Variants in CAMTA1 observed in about 807,000 individuals in gnomAD.
CAMTA1 encodes the protein calmodulin-binding transcription activator 1.
In CAMTA1, 27 loss-of-function variants were observed where a neutral mutation model predicts 170.9. The observed-to-expected ratio is 0.16, with a 90% CI of 0.12 to 0.22. CAMTA1 has a LOEUF of 0.22. CAMTA1 is among the 10% of genes least tolerant of loss of function. The pLI is 1.00. For synonymous variants in CAMTA1, 833 were observed against 891.5 expected (o/e 0.93, Z 1.17); for missense variants, 1,619 against 2,217.2 (o/e 0.73, Z 5.42).
intron 4 of CAMTA1, among the ~76,000 whole-genome samples, chr1:7,149,625 G>A (rs1558170432): frequency 6.6e-6 from 1 of 152,178 alleles, no homozygotes; most frequent in East Asian, 1.9e-4. Context: ...GGCGATGCGA[G>A]TTTTTAGCTA....
In CAMTA1 at chr1:7,270,078, G is replaced by A. The variant is rs557349357; in HGVS notation, c.438+20452G>A. On this transcript the variant is annotated intron_variant, in intron 5 of 22. Transcript: ENST00000303635. ...AAAAACCTAGAATTCTATATTCAGT[G>A]TGCATATTCTTCAAGAGTGAAGGTA... Among the ~76,000 whole-genome samples, 322 of 151,932 alleles carry A rather than the reference G, an allele frequency of 2.1e-3. 2 individuals are homozygous for A. Among genetic ancestry groups the A allele is most frequent in the African/African-American group, 7.2e-3 (299 of 41,454 alleles).
chr1:6,929,981 G>A (rs147592936), intron 3 of CAMTA1, among the ~76,000 whole-genome samples: 387 of 152,278 alleles, frequency 2.5e-3, no homozygotes, highest in African/African-American at 8.8e-3. Context: ...CCGTGCTCTC[G>A]TGGTATTTGT....
chr1:7,480,108 CGTGT>C (rs60946478), intron 6 of CAMTA1, among the ~76,000 whole-genome samples: 1 of 145,310 alleles, frequency 6.9e-6, no homozygotes, highest in Non-Finnish European at 1.5e-5. Flanking sequence ...TGTGTGAGAG[CGTGT>C]GTGTGTGTGT....
chr1:6,832,169 C>T (rs901674422), intron 3 of CAMTA1, among the ~76,000 whole-genome samples: 29 of 151,916 alleles, frequency 1.9e-4, no homozygotes, highest in Admixed American at 1.8e-3. Flanking sequence ...CTGCAACCTC[C>T]ACCTCCTGGG....
intron 6 of CAMTA1, among the ~76,000 whole-genome samples, chr1:7,560,663 G>A (rs1249490376): frequency 3.9e-5 from 6 of 152,010 alleles, no homozygotes. Context: ...GTGTTTTGAG[G>A]TCACCGCGGC....
At position 7,746,008 on chromosome 1, in the gene CAMTA1, G is replaced by T; in HGVS notation, c.4534G>T (p.Ala1512Ser). ...CAGTGAGAAGGTAGAGAATGAGTTT[G>T]CTCAGCTCACTCTGTCTGATCATGA... Reference protein sequence around the residue: ...STSEKVENEFAQLTLSDHEQR... With the variant: ...STSEKVENEFSQLTLSDHEQR... Residue 1512 changes from alanine (A) to serine (S), a missense_variant, in exon 18 of 23, where the codon GCT becomes TCT. Physicochemically the swap from Ala to Ser is moderately conservative, Grantham distance 99 (BLOSUM62 1). Around this residue, in one of 8 missense-constraint regions of CAMTA1, gnomAD observed 128 missense variants for 213.5 expected, o/e 0.60. Transcript: ENST00000303635. The T allele has an allele frequency of 1.9e-6, 3 of 1,614,148 alleles. No homozygotes were observed. The highest frequency in any genetic ancestry group is 2.5e-6 in the Non-Finnish European group (3 of 1,180,018).
chr1:7,673,905 C>T lies in CAMTA1; in HGVS notation c.2779+2868C>T, dbSNP rs1207547181. Among the ~76,000 whole-genome samples, 3 of 152,180 alleles carry T rather than the reference C, an allele frequency of 2.0e-5. No homozygotes were observed. Among genetic ancestry groups the T allele is most frequent in the Non-Finnish European group, 2.9e-5 (2 of 68,040 alleles). On this transcript the variant is annotated intron_variant, in intron 10 of 22. Transcript: ENST00000303635. This position sits in a 1 kb window ranked among gnomAD's most constrained non-coding sequence, Gnocchi z 4.6. ...CAATAAGACCCAGCTTCTCACCGGG[C>T]CCCTGATCGTAAGGGGCTCTCGGTC... is the stretch of plus-strand genomic sequence containing the variant.
intron 4 of CAMTA1, among the ~76,000 whole-genome samples, chr1:7,106,115 C>T (rs1002204228): frequency 5.3e-5 from 8 of 151,984 alleles, no homozygotes; most frequent in Non-Finnish European, 2.9e-5. Context: ...GATCACAGAC[C>T]CACAGAGTGG....
intron 4 of CAMTA1, among the ~76,000 whole-genome samples, chr1:7,228,239 G>A (rs1005936237): frequency 4.6e-5 from 7 of 152,178 alleles, no homozygotes; most frequent in African/African-American, 1.2e-4. Context: ...TATGGTTATC[G>A]AAATCCAGAG....
intron 3 of CAMTA1, among the ~76,000 whole-genome samples, chr1:6,903,806 T>TA: frequency 6.6e-6 from 1 of 152,290 alleles, no homozygotes; most frequent in African/African-American, 2.4e-5. Context: ...TGGATTGAGC[T>TA]GGATGGGTGG....
At chr1:7,733,210 GA>G (rs2096747292) in intron 12 of CAMTA1, among the ~76,000 whole-genome samples, 2 of 151,148 alleles carry the variant, frequency 1.3e-5, no homozygotes, top group East Asian at 3.9e-4. Flanking sequence ...TCAAAAAGAA[GA>G]AGAAGAAAAA....
chr1:7,253,768 T>G (rs1209789112), intron 5 of CAMTA1, among the ~76,000 whole-genome samples: 1 of 152,146 alleles, frequency 6.6e-6, no homozygotes, highest in Non-Finnish European at 1.5e-5. Context: ...CTTGCCATTA[T>G]ATCAGTTCCT....
chr1:7,122,074 A>T (rs1465711229), intron 4 of CAMTA1, among the ~76,000 whole-genome samples: 2 of 152,162 alleles, frequency 1.3e-5, no homozygotes, highest in African/African-American at 4.8e-5. Flanking sequence ...TTTCCGGGAA[A>T]GGCCATGGAG....
intron 5 of CAMTA1, among the ~76,000 whole-genome samples, chr1:7,436,802 G>A (rs1488614059): frequency 1.3e-5 from 2 of 152,174 alleles, no homozygotes; most frequent in Admixed American, 6.5e-5. Flanking sequence ...GGGTCCCAGC[G>A]GGGCGGATGC....
At chr1:7,047,820 G>A (rs1344316531) in intron 3 of CAMTA1, among the ~76,000 whole-genome samples, 2 of 151,448 alleles carry the variant, frequency 1.3e-5, no homozygotes, top group East Asian at 1.9e-4. Context: ...AGCGTCATCC[G>A]AGCAGGGGAT....
chr1:7,576,240 C>A (rs1342988667), intron 6 of CAMTA1, among the ~76,000 whole-genome samples: 1 of 152,154 alleles, frequency 6.6e-6, no homozygotes, highest in Non-Finnish European at 1.5e-5. Flanking sequence ...CAACTCCTGA[C>A]CTCAGGTGAT....
intron 5 of CAMTA1, among the ~76,000 whole-genome samples, chr1:7,353,115 C>T (rs1417251417): frequency 6.6e-6 from 1 of 152,176 alleles, no homozygotes; most frequent in Non-Finnish European, 1.5e-5. Flanking sequence ...TGGGCTTGGC[C>T]ACATCCAATC....
At chr1:7,288,284 G>A (rs1208639893) in intron 5 of CAMTA1, among the ~76,000 whole-genome samples, 3 of 152,218 alleles carry the variant, frequency 2.0e-5, no homozygotes, top group African/African-American at 7.2e-5. Context: ...ATAATCTAGA[G>A]TGCTTTCCTA....
chr1:6,875,251 A>G (rs1669500953), intron 3 of CAMTA1, among the ~76,000 whole-genome samples: 1 of 151,918 alleles, frequency 6.6e-6, no homozygotes, highest in South Asian at 2.1e-4. Flanking sequence ...AGTTGTAGGG[A>G]CCTCAGCTGT....
Sources: gnomAD v4.1 joint callset for allele counts (sites outside exome capture counted in the v4.1 genomes callset) on GRCh38, gnomAD v4.1.1 for gene constraint, gnomAD v4.1.1 regional missense constraint, Gnocchi (gnomAD v3.1) non-coding constraint, MANE v1.5 for transcripts, NCBI Gene and HGNC (gene_info 2026-07-23, HGNC 2026-07-21) for gene names.